DRD2: variants seen among roughly 807,000 people sequenced by gnomAD.
The protein encoded by DRD2 is dopamine receptor D2, also known as D(2) dopamine receptor.
Under a neutral mutation model 38.0 loss-of-function variants are expected in DRD2, and 8 were observed. The observed-to-expected ratio is 0.21, with a 90% CI of 0.12 to 0.38. The LOEUF (loss-of-function observed/expected upper bound fraction) is 0.38. Among genes scored for constraint, DRD2 ranks in the 10% least tolerant of loss-of-function variants. The pLI, the probability that DRD2 is intolerant of heterozygous loss-of-function variation, is 1.00. For synonymous variants in DRD2, 230 were observed against 238.6 expected (o/e 0.96, Z 0.33); for missense variants, 403 against 607.7 (o/e 0.66, Z 3.54).
chr11:113,419,459 C>CACAA (rs1342508168), intron 2 of DRD2, among the ~76,000 whole-genome samples: 1 of 151,066 alleles, frequency 6.6e-6, no homozygotes, highest in Non-Finnish European at 1.5e-5. Flanking sequence ...CACACACACA[C>CACAA]ACACACACAC....
intron 2 of DRD2, among the ~76,000 whole-genome samples, chr11:113,422,486 G>A (rs1190986696): frequency 6.6e-6 from 1 of 152,222 alleles, no homozygotes; most frequent in African/African-American, 2.4e-5. Flanking sequence ...CTTTGGAAGA[G>A]GGAAGAAGGA....
intron 1 of DRD2, among the ~76,000 whole-genome samples, chr11:113,474,806 C>A (rs985905397): frequency 2.0e-5 from 3 of 151,920 alleles, no homozygotes; most frequent in African/African-American, 4.8e-5. Flanking sequence ...CCCAGCTGCG[C>A]CCGCTCGTGC....
chr11:113,414,229 C>T lies in DRD2; in HGVS notation c.810+146G>A, dbSNP rs559477910. On this transcript the variant is annotated intron_variant, in intron 6 of 7. Transcript: ENST00000362072. The stretch of plus-strand genomic sequence containing the variant: ...CTTCATGCCTGCTTGGAGGTGTGCA[C>T]GGTGAGTCTGCCTTCAGCTGAGGCA... The T allele has an allele frequency of 4.0e-5, 32 of 796,156 alleles. No homozygotes were observed. In the Admixed American group the frequency reaches 4.3e-4, roughly 11 times the overall value. The allele number at this position is 796,156 out of a possible 1,614,324, so 49.3% of individuals were successfully genotyped here.
At chr11:113,460,703 G>T (rs561942886) in intron 1 of DRD2, among the ~76,000 whole-genome samples, 4 of 152,354 alleles carry the variant, frequency 2.6e-5, no homozygotes, top group African/African-American at 9.6e-5. Flanking sequence ...CCAGGATTAT[G>T]GACTCCTGTG....
At chr11:113,458,449 C>G (rs1951287502) in intron 1 of DRD2, among the ~76,000 whole-genome samples, 1 of 152,168 alleles carries the variant, frequency 6.6e-6, no homozygotes, top group South Asian at 2.1e-4. Flanking sequence ...ACACAGCCCT[C>G]TATGGTTTCT....
At chr11:113,419,326 C>T (rs956871241) in intron 2 of DRD2, among the ~76,000 whole-genome samples, 1 of 152,196 alleles carries the variant, frequency 6.6e-6, no homozygotes, top group Non-Finnish European at 1.5e-5. Flanking sequence ...GCTCGAGGAA[C>T]ACCCGAGTGG....
chr11:113,453,794 TCCTTATTCCTCTGCA>T, intron 1 of DRD2, among the ~76,000 whole-genome samples: 1 of 152,296 alleles, frequency 6.6e-6, no homozygotes, highest in Non-Finnish European at 1.5e-5. Flanking sequence ...AAAAGTCCCC[TCCTTATTCCTCTGCA>T]CCTTTTACTC....
rs978831932 is a variant in DRD2, at chr11:113,410,453, G to T, written c.*274C>A. ...GCATCTTTGGTGCCAAGGATAGGGG[G>T]ACTGGAGGTGGGAGGGGGGACTCTA... On this transcript the variant is annotated 3_prime_UTR_variant, in exon 8 of 8. Coordinates refer to ENST00000362072, the MANE Select transcript of DRD2 (RefSeq NM_000795.4). 5 of 557,792 alleles carry T rather than the reference G, an allele frequency of 9.0e-6. No homozygotes were observed. The highest frequency in any genetic ancestry group is 3.8e-5 in the African/African-American group (2 of 52,928). The allele number at this position is 557,792 out of a possible 1,614,324, so 34.6% of individuals were successfully genotyped here.
intron 1 of DRD2, among the ~76,000 whole-genome samples, chr11:113,463,834 C>T (rs1951344453): frequency 6.6e-6 from 1 of 152,086 alleles, no homozygotes; most frequent in Non-Finnish European, 1.5e-5. Context: ...GAAGAGAGGC[C>T]CTTGGCCCAG....
intron 1 of DRD2, among the ~76,000 whole-genome samples, chr11:113,460,162 C>T (rs1951304336): frequency 6.6e-6 from 1 of 152,236 alleles, no homozygotes; most frequent in African/African-American, 2.4e-5. Context: ...AGACAAGCTG[C>T]TCATTTCAAC....
intron 2 of DRD2, among the ~76,000 whole-genome samples, chr11:113,421,154 G>C (rs549557981): frequency 5.6e-4 from 86 of 152,270 alleles, no homozygotes; most frequent in African/African-American, 2.0e-3. Context: ...TCTTGAGAAT[G>C]CAAGTGTCTC....
intron 1 of DRD2, among the ~76,000 whole-genome samples, chr11:113,430,302 A>T (rs975267507): frequency 3.9e-5 from 6 of 152,208 alleles, no homozygotes; most frequent in Non-Finnish European, 8.8e-5. Flanking sequence ...GATGACTGTC[A>T]TACTAATCAC....
intron 1 of DRD2, among the ~76,000 whole-genome samples, chr11:113,462,273 G>A (rs1344928114): frequency 6.6e-6 from 1 of 152,176 alleles, no homozygotes; most frequent in African/African-American, 2.4e-5. Context: ...AGTAAAGAGT[G>A]TTCCCCTCCG....
intron 6 of DRD2, 77 bp from the exon 7 acceptor site, chr11:113,412,960 C>T: frequency 6.8e-7 from 1 of 1,481,362 alleles, no homozygotes; most frequent in Non-Finnish European, 9.1e-7. Context: ...CTGGCCCCTC[C>T]CTTTCCCCCT....
rs371797061 is a variant in DRD2, at chr11:113,455,643, C to CA, written c.-32+19432dup. Among the ~76,000 whole-genome samples, 115 of 151,504 alleles carry CA rather than the reference C, an allele frequency of 7.6e-4. No individual in the cohort carries two copies. In the East Asian group the frequency reaches 9.1e-3, roughly 12 times the overall value. Reference sequence around the variant, plus strand: ...GCAAAGGACCTGAATAGGCATTTGTCAAAAAAAAGACATGCAAAAGGTCAA... The same window carrying CA: ...GCAAAGGACCTGAATAGGCATTTGTCAAAAAAAAAGACATGCAAAAGGTCAA... On this transcript the variant is annotated intron_variant, in intron 1 of 7. Transcript: ENST00000362072.
intron 1 of DRD2, among the ~76,000 whole-genome samples, chr11:113,444,484 A>G (rs1951123852): frequency 6.6e-6 from 1 of 152,214 alleles, no homozygotes; most frequent in Non-Finnish European, 1.5e-5. Flanking sequence ...CAGTCAATCC[A>G]CCATACTGAA....
chr11:113,435,026 C>A (rs1012176968), intron 1 of DRD2, among the ~76,000 whole-genome samples: 3 of 152,192 alleles, frequency 2.0e-5, no homozygotes, highest in South Asian at 2.1e-4. Context: ...CCCAGACAAC[C>A]CCGCTCTCTG....
At position 113,410,687 on chromosome 11, in the gene DRD2, G is replaced by A. The variant is rs376825868; in HGVS notation, c.*40C>T. On this transcript the variant is annotated 3_prime_UTR_variant, in exon 8 of 8. Coordinates refer to ENST00000362072, the MANE Select transcript of DRD2 (RefSeq NM_000795.4). ...GGGTGAGGCTGGCCGGCCTGGGCAG[G>A]GAGGTGGGAAGCAGGCTGCTGTGCG... 2 of 1,613,174 alleles carry A rather than the reference G, an allele frequency of 1.2e-6. No homozygotes were observed. The highest frequency in any genetic ancestry group is 3.3e-5 in the Admixed American group (2 of 60,030).
chr11:113,424,343 G>A, intron 2 of DRD2, 24 bp downstream of exon 2: 1 of 1,612,334 alleles, frequency 6.2e-7, no homozygotes, highest in Non-Finnish European at 8.5e-7. Context: ...AGAAAGTGCT[G>A]GAGCAAGCAG....
Sources: allele counts gnomAD v4.1 joint callset (sites outside exome capture counted in the v4.1 genomes callset), GRCh38; gene constraint gnomAD v4.1.1; transcripts MANE v1.5; gene names NCBI Gene and HGNC (gene_info 2026-07-23, HGNC 2026-07-21).